DIAPH3: variants seen among roughly 807,000 people sequenced by gnomAD.
The protein encoded by DIAPH3 is diaphanous related formin 3.
DIAPH3 carries 117 observed loss-of-function variants against 144.3 expected under a neutral mutation model. The observed-to-expected ratio is 0.81, with a 90% CI of 0.70 to 0.95. The LOEUF (loss-of-function observed/expected upper bound fraction) is 0.95, where lower values mean the gene tolerates loss of function less well. DIAPH3 is among the 40% of genes least tolerant of loss of function. DIAPH3 has a pLI of 0.00. For missense variants in DIAPH3, 1,421 were observed against 1,412.7 expected, an observed-to-expected ratio of 1.01 and a Z score of -0.09; for synonymous variants, 519 against 488.9, an observed-to-expected ratio of 1.06 and a Z score of -0.81.
chr13:59,974,549 T>C lies in DIAPH3; in HGVS notation c.1546-93A>G, dbSNP rs1238070670. ...AAATGTGACTCGAATGATCTGCCGG[T>C]AGAACACAAATTCCTGAATTGGTTT... On this transcript the variant is annotated intron_variant, in intron 14 of 27. Transcript: ENST00000400324. 4 of 1,072,188 alleles carry C rather than the reference T, an allele frequency of 3.7e-6. No homozygotes were observed. In the African/African-American group the frequency reaches 6.3e-5, roughly 17 times the overall value. The allele number at this position is 1,072,188 out of a possible 1,614,324, so 66.4% of individuals were successfully genotyped here. A position where few individuals can be genotyped will look rare whatever the true frequency, so the allele number is the denominator to read the frequency against.
intron 4 of DIAPH3, among the ~76,000 whole-genome samples, chr13:60,056,729 C>T (rs1238081693): frequency 1.3e-5 from 2 of 151,474 alleles, no homozygotes; most frequent in Non-Finnish European, 3.0e-5. Flanking sequence ...ATGATAGGGA[C>T]AAAAAAGGAC....
chr13:60,044,923 G>C (rs978860894), intron 4 of DIAPH3, among the ~76,000 whole-genome samples: 1 of 152,096 alleles, frequency 6.6e-6, no homozygotes, highest in South Asian at 2.1e-4. Context: ...CCCCACCTTC[G>C]CTTGGCACTT....
chr13:60,035,598 CAT>C (rs1300115158), intron 5 of DIAPH3, among the ~76,000 whole-genome samples: 26 of 152,240 alleles, frequency 1.7e-4, no homozygotes, highest in African/African-American at 6.3e-4. Context: ...AGGACAGCCA[CAT>C]GACTTAAAAT....
intron 20 of DIAPH3, among the ~76,000 whole-genome samples, chr13:59,899,487 A>T (rs1350641682): frequency 6.6e-6 from 1 of 152,226 alleles, no homozygotes; most frequent in African/African-American, 2.4e-5. Flanking sequence ...GAAATTCTCA[A>T]GAATGTGACT....
At chr13:59,915,859 A>C (rs1176953704) in intron 19 of DIAPH3, among the ~76,000 whole-genome samples, 3 of 152,156 alleles carry the variant, frequency 2.0e-5, no homozygotes, top group Non-Finnish European at 4.4e-5. Flanking sequence ...ATTTTAAGTA[A>C]CACATTAATA....
chr13:59,982,418 T>TC (rs2051075527), intron 13 of DIAPH3, among the ~76,000 whole-genome samples: 1 of 149,974 alleles, frequency 6.7e-6, no homozygotes, highest in Non-Finnish European at 1.5e-5. Flanking sequence ...CTCTTCCCAC[T>TC]CCCCCCACCC....
At chr13:60,133,395 T>C (rs993538383) in intron 1 of DIAPH3, among the ~76,000 whole-genome samples, 3 of 152,064 alleles carry the variant, frequency 2.0e-5, no homozygotes, top group Non-Finnish European at 4.4e-5. Flanking sequence ...AATGTGATGA[T>C]TTTTCAGAAA....
intron 27 of DIAPH3, among the ~76,000 whole-genome samples, chr13:59,738,557 C>T (rs961466658): frequency 6.6e-6 from 1 of 151,802 alleles, no homozygotes; most frequent in African/African-American, 2.4e-5. Context: ...CAGGCAGGCC[C>T]CCACCAAGAC....
chr13:59,945,031 C>T (rs921448603), intron 17 of DIAPH3, among the ~76,000 whole-genome samples: 25 of 152,268 alleles, frequency 1.6e-4, no homozygotes, highest in African/African-American at 5.8e-4. Context: ...TCCTTTGCCC[C>T]TACCACTCCT....
intron 12 of DIAPH3, 134 bp from the exon 13 acceptor site, chr13:59,984,021 G>C: frequency 1.5e-6 from 1 of 649,620 alleles, no homozygotes; most frequent in East Asian, 2.6e-5. Flanking sequence ...TGACACAACA[G>C]ATTTTACCTG....
At chr13:60,044,923 G>A (rs978860894) in intron 4 of DIAPH3, among the ~76,000 whole-genome samples, 9 of 152,096 alleles carry the variant, frequency 5.9e-5, no homozygotes, top group Admixed American at 3.3e-4. Flanking sequence ...CCCCACCTTC[G>A]CTTGGCACTT....
rs1346141034 is a variant in DIAPH3 at position 59,991,213 on chromosome 13, A to G, written c.1306T>C (p.Tyr436His). ...STVKETRAEG[Y>H]FISILQHLLL... ...AGATGCTGAAGAATAGAAATAAAAT[A>G]TCCCTCTGCTCTAGTTTCTTTAACT... is the stretch of plus-strand genomic sequence containing the variant. Residue 436 changes from tyrosine (Y) to histidine (H), a missense_variant, in exon 12 of 28, where the codon TAT becomes CAT. By Grantham distance (83) the Tyr-to-His change is moderately conservative. Transcript: ENST00000400324. 1 of 1,611,324 alleles carries G rather than the reference A, an allele frequency of 6.2e-7. No homozygotes were observed. The highest frequency in any genetic ancestry group is 1.3e-5 in the African/African-American group (1 of 74,786).
At chr13:60,113,077 C>T (rs934898473) in intron 2 of DIAPH3, among the ~76,000 whole-genome samples, 1 of 152,118 alleles carries the variant, frequency 6.6e-6, no homozygotes, top group Admixed American at 6.6e-5. Flanking sequence ...TTGTTGTATA[C>T]ATTTTTAAGC....
At chr13:60,107,071 G>A (rs985991185) in intron 3 of DIAPH3, among the ~76,000 whole-genome samples, 11 of 152,154 alleles carry the variant, frequency 7.2e-5, no homozygotes, top group South Asian at 2.1e-4. Flanking sequence ...AATAGTGTGT[G>A]AGGTAGAAAT....
intron 24 of DIAPH3, 108 bp from the exon 25 acceptor site, chr13:59,811,031 G>A (rs539660741): frequency 2.8e-6 from 3 of 1,058,572 alleles, no homozygotes; most frequent in Non-Finnish European, 4.1e-6. Context: ...TTATCTTTTA[G>A]ATAATGGTGA....
At position 59,773,493 on chromosome 13, in the gene DIAPH3, C is replaced by T. The variant is rs950110092; in HGVS notation, c.3319+696G>A. On this transcript the variant is annotated intron_variant, in intron 27 of 27. Coordinates refer to ENST00000400324, the MANE Select transcript of DIAPH3 (RefSeq NM_001042517.2). ...TTTGAAAAACAGCACCCACAATCAACGAATGTGTTTTGACTGTGGAAGGTA... is the reference window on the plus strand; with the variant it reads ...TTTGAAAAACAGCACCCACAATCAATGAATGTGTTTTGACTGTGGAAGGTA... Among the ~76,000 whole-genome samples, 4 of 152,066 alleles carry T rather than the reference C, an allele frequency of 2.6e-5. No homozygotes were observed. The East Asian group carries it at 5.8e-4, about 22-fold the overall frequency.
chr13:59,983,622 G>A (rs2051173929), intron 13 of DIAPH3, 147 bp downstream of exon 13: 12 of 597,132 alleles, frequency 2.0e-5, no homozygotes, highest in South Asian at 1.1e-4. Flanking sequence ...TAAAAAAGGC[G>A]AATAATGTTT....
intron 14 of DIAPH3, among the ~76,000 whole-genome samples, chr13:59,980,073 T>A (rs2050906183): frequency 6.6e-6 from 1 of 151,580 alleles, no homozygotes; most frequent in Non-Finnish European, 1.5e-5. Context: ...TCACTGCCAA[T>A]GTCTGATTTT....
At chr13:59,718,728 C>CT (rs1347022930) in intron 27 of DIAPH3, among the ~76,000 whole-genome samples, 2 of 151,820 alleles carry the variant, frequency 1.3e-5, no homozygotes, top group African/African-American at 2.4e-5. Flanking sequence ...TGTAATATTT[C>CT]TTTTTTTTAA....
Sources: allele counts gnomAD v4.1 joint callset (sites outside exome capture counted in the v4.1 genomes callset), GRCh38; gene constraint gnomAD v4.1.1; transcripts MANE v1.5; gene names NCBI Gene and HGNC (gene_info 2026-07-23, HGNC 2026-07-21).